BPI: variants seen among roughly 807,000 people sequenced by gnomAD.
BPI encodes the protein bactericidal permeability-increasing protein.
A neutral mutation model predicts 57.6 loss-of-function variants in BPI; 48 were observed. The observed-to-expected ratio is 0.83, with a 90% CI of 0.66 to 1.06. BPI has a LOEUF of 1.06. BPI is among the 50% of genes least tolerant of loss of function. The pLI is 0.00. For missense variants in BPI, 651 were observed against 609.7 expected (o/e 1.07, Z -0.71); for synonymous variants, 237 against 238.2 (o/e 0.99, Z 0.05).
In BPI at chr20:38,307,984, C is replaced by T. The variant is rs556181212; in HGVS notation, c.245+303C>T. On this transcript the variant is annotated intron_variant, in intron 2 of 14. Transcript: ENST00000642449. Reference sequence around the variant, plus strand: ...TGGCTTAAGGCAGAATGCATTGGCTCACATGGCCGGAAAGTCTCTGGAAGA... The same window carrying T: ...TGGCTTAAGGCAGAATGCATTGGCTTACATGGCCGGAAAGTCTCTGGAAGA... Among the ~76,000 whole-genome samples, 27 of 152,286 alleles carry T rather than the reference C, an allele frequency of 1.8e-4. No homozygotes were observed. The South Asian group carries it at 5.6e-3, about 32-fold the overall frequency.
At chr20:38,325,599 C>A (rs1480814098) in intron 9 of BPI, among the ~76,000 whole-genome samples, 1 of 152,142 alleles carries the variant, frequency 6.6e-6, no homozygotes, top group Non-Finnish European at 1.5e-5. Flanking sequence ...CGTTAGAGGC[C>A]CTTCTCCAAA....
chr20:38,306,657 A>G (rs2076598130), intron 1 of BPI, among the ~76,000 whole-genome samples: 1 of 152,194 alleles, frequency 6.6e-6, no homozygotes. Context: ...AGGGAGCAAG[A>G]ATAGCATGTG....
intron 5 of BPI, among the ~76,000 whole-genome samples, chr20:38,315,000 T>C (rs1342621716): frequency 8.0e-6 from 1 of 124,748 alleles, no homozygotes; most frequent in Non-Finnish European, 1.7e-5. Flanking sequence ...GATAGCGAGG[T>C]TGATGGTGAT....
Position 38,318,402 on chromosome 20 carries a change from G to T in BPI, c.601-11G>T. The T allele has an allele frequency of 1.9e-6, 3 of 1,611,284 alleles. No individual in the cohort carries two copies. The highest frequency in any genetic ancestry group is 2.5e-6 in the Non-Finnish European group (3 of 1,177,408). The stretch of plus-strand genomic sequence containing the variant: ...GAAGACCTTACTGATTACTTGTTTG[G>T]TTCTCCCCAGGTCTGCGAGAAAGTG... On this transcript the variant is annotated splice_polypyrimidine_tract_variant and intron_variant, in intron 5 of 14. Coordinates refer to ENST00000642449, the MANE Select transcript of BPI (RefSeq NM_001725.3).
chr20:38,317,012 T>C (rs6099107), intron 5 of BPI, among the ~76,000 whole-genome samples: 103,822 of 151,622 alleles, frequency 0.68, 36,838 homozygotes, highest in African/African-American at 0.88. Context: ...AGGAAGAAAG[T>C]GGAAGGCCTT....
At chr20:38,328,048 T>C (rs539925416) in intron 11 of BPI, among the ~76,000 whole-genome samples, 1 of 152,214 alleles carries the variant, frequency 6.6e-6, no homozygotes, top group South Asian at 2.1e-4. Flanking sequence ...CACTAGGAGA[T>C]CCCGCTTCAA....
At chr20:38,335,352 A>T (rs1271060899) in intron 13 of BPI, 1 of 567,690 alleles carries the variant, frequency 1.8e-6, no homozygotes, top group African/African-American at 1.9e-5. Context: ...CTGCACCCTC[A>T]GGAGGGCCAT....
chr20:38,324,746 G>A (rs780297789), intron 8 of BPI, 28 bp from the exon 9 acceptor site: 26 of 1,589,354 alleles, frequency 1.6e-5, no homozygotes, highest in Non-Finnish European at 1.9e-5. Context: ...AGCATCCTCC[G>A]AGATCCTTTT....
chr20:38,324,008 G>A lies in BPI; in HGVS notation c.895G>A (p.Glu299Lys), dbSNP rs777566138. ...FFNTAGLVYQ[E>K]AGVLKMTLRD... is the part of the protein sequence containing the mutation. Reference sequence around the variant, plus strand: ...CAACACAGCCGGGCTTGTATACCAAGAGGCTGGGGTCTTGAAGATGACCCT... The same window carrying A: ...CAACACAGCCGGGCTTGTATACCAAAAGGCTGGGGTCTTGAAGATGACCCT... The change falls in exon 8 of 15, where the codon GAG (glutamate) becomes AAG (lysine). Residue 299 changes from glutamate to lysine, a missense_variant. By Grantham distance (56) the Glu-to-Lys change is moderately conservative (BLOSUM62 1). Coordinates refer to ENST00000642449, the MANE Select transcript of BPI (RefSeq NM_001725.3). The A allele has an allele frequency of 1.1e-5, 17 of 1,614,008 alleles. No individual in the cohort carries two copies. In the South Asian group the frequency reaches 1.9e-4, roughly 18 times the overall value.
At chr20:38,319,794 C>T (rs2076671861) in intron 6 of BPI, 1 of 190,314 alleles carries the variant, frequency 5.3e-6, no homozygotes, top group Non-Finnish European at 1.1e-5. Context: ...GGGCATCCAC[C>T]TCCTCTCAAA....
At position 38,308,912 on chromosome 20, in the gene BPI, C is replaced by A; in HGVS notation, c.246-18C>A. On this transcript the variant is annotated intron_variant, in intron 2 of 14. Coordinates refer to ENST00000642449, the MANE Select transcript of BPI (RefSeq NM_001725.3). ...GGAGTATATGAAATTATATGACATT[C>A]ACATTTCTCCTTTGCAGCATGGACA... 1 of 1,613,928 alleles carries A rather than the reference C, an allele frequency of 6.2e-7. No individual in the cohort carries two copies. Among genetic ancestry groups the A allele is most frequent in the South Asian group, 1.1e-5 (1 of 91,046 alleles).
chr20:38,335,855 T>C (rs1001823136), intron 14 of BPI, among the ~76,000 whole-genome samples, 181 bp downstream of exon 14: 2 of 152,180 alleles, frequency 1.3e-5, no homozygotes, highest in African/African-American at 4.8e-5. Context: ...AGCCACACAG[T>C]GTTAAATGAA....
Position 38,327,634 on chromosome 20 carries a change from T to A in BPI, c.1208T>A (p.Val403Asp). 6.2e-7 allele frequency: 1 copy of A among 1,613,684 alleles called. No individual in the cohort carries two copies. The highest frequency in any genetic ancestry group is 8.5e-7 in the Non-Finnish European group (1 of 1,179,740). The change falls in exon 11 of 15, where the codon GTT becomes GAT. Residue 403 changes from valine to aspartate, a missense_variant. Transcript: ENST00000642449. The part of the protein sequence containing the change: ...MEVSAESNRL[V>D]GELKLDRLLL... ...GTCAGCGCCGAGTCCAACAGGCTTGTTGGAGAGCTCAAGCTGGATAGGTAA... is the reference window on the plus strand; with the variant it reads ...GTCAGCGCCGAGTCCAACAGGCTTGATGGAGAGCTCAAGCTGGATAGGTAA...
chr20:38,309,978 G>T (rs1326120597), intron 3 of BPI, among the ~76,000 whole-genome samples: 1 of 152,190 alleles, frequency 6.6e-6, no homozygotes, highest in African/African-American at 2.4e-5. Context: ...TTTTGCATCT[G>T]TCTTTTCCCT....
chr20:38,310,655 A>G lies in BPI; in HGVS notation c.536+3A>G. ...CACATCTCAAAGAGCAAAGTGGGGTATGGACTCCCGGGACTGTGGCTGGGA... is the reference window on the plus strand; with the variant it reads ...CACATCTCAAAGAGCAAAGTGGGGTGTGGACTCCCGGGACTGTGGCTGGGA... On this transcript the variant is annotated splice_donor_region_variant and intron_variant, in intron 4 of 14. Coordinates refer to ENST00000642449, the MANE Select transcript of BPI (RefSeq NM_001725.3). The G allele has an allele frequency of 6.2e-7, 1 of 1,609,922 alleles. No individual in the cohort carries two copies. The highest frequency in any genetic ancestry group is 8.5e-7 in the Non-Finnish European group (1 of 1,176,576).
intron 13 of BPI, chr20:38,335,363 C>G (rs997184476): frequency 1.7e-6 from 1 of 576,178 alleles, no homozygotes; most frequent in Non-Finnish European, 3.1e-6. Context: ...GGAGGGCCAT[C>G]ATGGGGATGG....
chr20:38,318,272 A>G (rs2076662412), intron 5 of BPI, 141 bp from the exon 6 acceptor site: 2 of 1,159,514 alleles, frequency 1.7e-6, no homozygotes, highest in Non-Finnish European at 2.5e-6. Context: ...CCTGGTGGCC[A>G]AAAAGAAAAG....
intron 12 of BPI, among the ~76,000 whole-genome samples, chr20:38,331,764 G>GC (rs1405393703): frequency 1.3e-5 from 2 of 151,444 alleles, no homozygotes; most frequent in Non-Finnish European, 2.9e-5. Context: ...GATGGCTTCA[G>GC]CCCGGGAGTT....
rs2076694289 is a variant in BPI at position 38,323,028 on chromosome 20, C to T, written c.757-842C>T. On this transcript the variant is annotated intron_variant, in intron 7 of 14. Transcript: ENST00000642449. ...GCTATACACTTCCAAGTACCCAACA[C>T]ACAGATTTAAGAGATCTTACCATTT... Among the ~76,000 whole-genome samples the T allele has an allele frequency of 2.0e-5, 3 of 152,138 alleles. No homozygotes were observed. In the South Asian group the frequency reaches 6.2e-4, roughly 32 times the overall value.
Sources: allele counts gnomAD v4.1 joint callset (sites outside exome capture counted in the v4.1 genomes callset), GRCh38; gene constraint gnomAD v4.1.1; transcripts MANE v1.5; gene names NCBI Gene and HGNC (gene_info 2026-07-23, HGNC 2026-07-21).